Variants in CECR2 observed in about 807,000 individuals in gnomAD.
The protein encoded by CECR2 is CECR2 histone acetyl-lysine reader.
Under a neutral mutation model 154.5 loss-of-function variants are expected in CECR2, and 30 were observed. The observed-to-expected ratio is 0.19, with a 90% confidence interval of 0.15 to 0.26. The LOEUF (loss-of-function observed/expected upper bound fraction) is 0.26. CECR2 is among the 10% of genes least tolerant of loss of function. CECR2 has a pLI of 1.00. For missense variants in CECR2, 1,743 were observed against 1,829.3 expected (o/e 0.95, Z 0.86); for synonymous variants, 725 against 683.7 (o/e 1.06, Z -0.94).
chr22:17,495,027 A>G (rs2055598340), intron 2 of CECR2, among the ~76,000 whole-genome samples: 1 of 152,104 alleles, frequency 6.6e-6, no homozygotes, highest in Non-Finnish European at 1.5e-5. Context: ...AAGCCTTCTT[A>G]ATTTTTTCCA....
chr22:17,477,421 G>A (rs1043085223), intron 1 of CECR2, among the ~76,000 whole-genome samples, 167 bp from the exon 2 acceptor site: 2 of 152,160 alleles, frequency 1.3e-5, no homozygotes, highest in Non-Finnish European at 2.9e-5. Context: ...CGCGGAATCC[G>A]GTTGCTCTTC....
intron 1 of CECR2, among the ~76,000 whole-genome samples, chr22:17,414,449 CTTTT>C (rs974927260): frequency 8.5e-6 from 1 of 117,268 alleles, no homozygotes; most frequent in Admixed American, 8.0e-5. Context: ...CACTCAGTTT[CTTTT>C]TTCTTTTTTT....
chr22:17,479,384 T>G (rs1193126627), intron 2 of CECR2, among the ~76,000 whole-genome samples: 1 of 152,200 alleles, frequency 6.6e-6, no homozygotes, highest in Non-Finnish European at 1.5e-5. Flanking sequence ...TTCACAGTTG[T>G]GACAGGGAGG....
chr22:17,440,440 G>C (rs753023796), intron 1 of CECR2, among the ~76,000 whole-genome samples: 4 of 152,178 alleles, frequency 2.6e-5, no homozygotes, highest in Non-Finnish European at 4.4e-5. Flanking sequence ...GTCTGTTATG[G>C]CATAAAAACT....
chr22:17,548,736 C>T lies in CECR2; in HGVS notation c.3449C>T (p.Ser1150Phe). The T allele has an allele frequency of 6.2e-7, 1 of 1,613,612 alleles. No homozygotes were observed. Among genetic ancestry groups the T allele is most frequent in the Non-Finnish European group, 8.5e-7 (1 of 1,179,786 alleles). Residue 1150 changes from serine (S) to phenylalanine (F), a missense_variant, in exon 17 of 19, where the codon TCC (serine) becomes TTC (phenylalanine). By Grantham distance (155) the Ser-to-Phe change is radical (BLOSUM62 -2). Around this residue, in one of 4 missense-constraint regions of CECR2, gnomAD observed 1,250 missense variants for 1,192.1 expected, o/e 1.05. Coordinates refer to ENST00000262608, the MANE Select transcript of CECR2 (RefSeq NM_001290047.2). ...QGVGPVMGGK[S>F]PASHPQHFPP... ...GTGGGCCCTGTGATGGGAGGGAAGT[C>T]CCCAGCATCCCATCCCCAGCATTTT...
chr22:17,401,706 GT>G (rs2053894859), intron 1 of CECR2, among the ~76,000 whole-genome samples: 1 of 152,008 alleles, frequency 6.6e-6, no homozygotes, highest in Non-Finnish European at 1.5e-5. Flanking sequence ...ACTATAGTTT[GT>G]TTATTGAGTG....
intron 2 of CECR2, among the ~76,000 whole-genome samples, chr22:17,484,437 G>C (rs957788122): frequency 3.3e-5 from 5 of 152,192 alleles, no homozygotes; most frequent in African/African-American, 7.2e-5. Flanking sequence ...AATAGTGACT[G>C]TGTCTTATTA....
At chr22:17,386,474 C>T (rs2063262631) in intron 1 of CECR2, among the ~76,000 whole-genome samples, 2 of 152,142 alleles carry the variant, frequency 1.3e-5, no homozygotes, top group African/African-American at 4.8e-5. Flanking sequence ...TGTAGGGCCC[C>T]CTTTCTCAGC....
rs1419913238 is a variant in CECR2 at position 17,409,578 on chromosome 22, C to T, written c.126+39669C>T. On this transcript the variant is annotated intron_variant, in intron 1 of 18. Coordinates refer to ENST00000262608, the MANE Select transcript of CECR2 (RefSeq NM_001290047.2). ...AGAGAGTAACACAATGAATTCCTGTCAGTGTCAGTGATTATTAATATTTTG... is the reference window on the plus strand; with the variant it reads ...AGAGAGTAACACAATGAATTCCTGTTAGTGTCAGTGATTATTAATATTTTG... 1.8e-5 allele frequency among the ~76,000 whole-genome samples: 2 copies of T among 112,336 alleles called. 1 individual carries two copies. Among genetic ancestry groups the T allele is most frequent in the African/African-American group, 5.9e-5 (2 of 33,812 alleles). The allele number at this position is 112,336 out of a possible 152,430, so 73.7% of individuals were successfully genotyped here. A position where few individuals can be genotyped will look rare whatever the true frequency, so the allele number is the denominator to read the frequency against.
At position 17,537,844 on chromosome 22, in the gene CECR2, A is replaced by G. The variant is rs1360997164; in HGVS notation, c.1238+612A>G. Among the ~76,000 whole-genome samples, 4 of 152,104 alleles carry G rather than the reference A, an allele frequency of 2.6e-5. No individual in the cohort carries two copies. The East Asian group carries it at 7.7e-4, about 29-fold the overall frequency. On this transcript the variant is annotated intron_variant, in intron 10 of 18. Coordinates refer to ENST00000262608, the MANE Select transcript of CECR2 (RefSeq NM_001290047.2). Reference sequence around the variant, plus strand: ...CCCCGTCTCTAATAAAAATTTTAAAAAAAATTAGGTGAGGTGGCACATGCC... The same window carrying G: ...CCCCGTCTCTAATAAAAATTTTAAAGAAAATTAGGTGAGGTGGCACATGCC...
chr22:17,524,060 A>G lies in CECR2; in HGVS notation c.955-58A>G, dbSNP rs1025540662. On this transcript the variant is annotated intron_variant, in intron 8 of 18. Coordinates refer to ENST00000262608, the MANE Select transcript of CECR2 (RefSeq NM_001290047.2). ...ATACTGAATTCAATGAACTGAGAGC[A>G]AAGAGCTTATCTTGCATGATTGTGT... The G allele has an allele frequency of 1.0e-4, 137 of 1,339,674 alleles. 3 individuals carry two copies. The South Asian group carries it at 1.7e-3, about 17-fold the overall frequency. 83.0% of individuals were successfully genotyped at this position (1,339,674 alleles called of 1,614,324 possible).
chr22:17,450,984 C>T (rs543691345), intron 1 of CECR2, among the ~76,000 whole-genome samples: 8 of 152,366 alleles, frequency 5.3e-5, no homozygotes, highest in African/African-American at 1.9e-4. Context: ...ATTCCATGCA[C>T]TAGCAGCAGC....
At chr22:17,494,598 AT>A (rs1419445856) in intron 2 of CECR2, among the ~76,000 whole-genome samples, 13 of 152,210 alleles carry the variant, frequency 8.5e-5, no homozygotes, top group Non-Finnish European at 1.8e-4. Flanking sequence ...GTTACGCTGC[AT>A]TTTGATAAAG....
chr22:17,434,523 A>G (rs950341054), intron 1 of CECR2, among the ~76,000 whole-genome samples: 9 of 152,128 alleles, frequency 5.9e-5, no homozygotes, highest in African/African-American at 1.9e-4. Context: ...TTAAGTTAGT[A>G]GTCTAACTTT....
intron 8 of CECR2, among the ~76,000 whole-genome samples, chr22:17,519,730 C>T (rs2056123785): frequency 1.3e-5 from 2 of 151,442 alleles, no homozygotes; most frequent in African/African-American, 4.9e-5. Context: ...TGGGTTTTTT[C>T]TCTTTCTCCC....
intron 2 of CECR2, among the ~76,000 whole-genome samples, chr22:17,495,680 G>T (rs1601457215): frequency 1.3e-5 from 2 of 151,506 alleles, no homozygotes; most frequent in Non-Finnish European, 2.9e-5. Context: ...GGCTAACACA[G>T]TGAAACCCTG....
Position 17,508,880 on chromosome 22 carries a change from A to G in CECR2, c.871-2933A>G, listed in dbSNP as rs190257166. ...TACCAAAAGAGTAATGTTTGAGACT[A>G]TCTTACTGGTAATACTGTTTTGCAG... On this transcript the variant is annotated intron_variant, in intron 7 of 18. Coordinates refer to ENST00000262608, the MANE Select transcript of CECR2 (RefSeq NM_001290047.2). Among the ~76,000 whole-genome samples the G allele has an allele frequency of 3.9e-5, 6 of 152,380 alleles. No homozygotes were observed. The East Asian group carries it at 7.7e-4, about 20-fold the overall frequency.
At chr22:17,442,864 A>G (rs150113934) in intron 1 of CECR2, among the ~76,000 whole-genome samples, 2 of 152,316 alleles carry the variant, frequency 1.3e-5, no homozygotes, top group African/African-American at 4.8e-5. Context: ...AGATGATAGT[A>G]GTAATTCACA....
In CECR2 at chr22:17,385,669, A is replaced by G. The variant is rs190990500; in HGVS notation, c.126+15760A>G. Among the ~76,000 whole-genome samples the G allele has an allele frequency of 9.8e-5, 15 of 152,366 alleles. No individual in the cohort carries two copies. The East Asian group carries it at 2.9e-3, about 29-fold the overall frequency. On this transcript the variant is annotated intron_variant, in intron 1 of 18. Coordinates refer to ENST00000262608, the MANE Select transcript of CECR2 (RefSeq NM_001290047.2). Reference sequence around the variant, plus strand: ...ATTGTGAGAATTACCAAAATGCAACACAGAGACATGAAGTGAGCACATACT... The same window carrying G: ...ATTGTGAGAATTACCAAAATGCAACGCAGAGACATGAAGTGAGCACATACT...
Sources: allele counts gnomAD v4.1 joint callset (sites outside exome capture counted in the v4.1 genomes callset), GRCh38; gene constraint gnomAD v4.1.1; regional missense constraint gnomAD v4.1.1; transcripts MANE v1.5; gene names NCBI Gene and HGNC (gene_info 2026-07-23, HGNC 2026-07-21).